The following CHST11 variants were observed in gnomAD, a reference collection of about 807,000 sequenced individuals.
CHST11 encodes C4S-1.
Under a neutral mutation model 30.4 loss-of-function variants are expected in CHST11, and 9 were observed. The observed-to-expected ratio is 0.30, with a 90% CI of 0.18 to 0.52. CHST11 has a LOEUF of 0.52. Ranked by LOEUF, CHST11 falls within the 20% of genes least tolerant of loss-of-function variation. CHST11 has a pLI of 0.97. For missense variants in CHST11, 348 were observed against 460.6 expected (o/e 0.76, Z 2.24); for synonymous variants, 152 against 187.8 (o/e 0.81, Z 1.56).
chr12:104,565,098 A>G (rs2038549167), intron 1 of CHST11, among the ~76,000 whole-genome samples: 1 of 151,900 alleles, frequency 6.6e-6, no homozygotes, highest in Non-Finnish European at 1.5e-5. Flanking sequence ...CCCCAATAAG[A>G]TAATTTGCCA....
intron 2 of CHST11, among the ~76,000 whole-genome samples, chr12:104,711,289 T>C (rs954380634): frequency 6.6e-6 from 1 of 152,214 alleles, no homozygotes; most frequent in African/African-American, 2.4e-5. Flanking sequence ...CTTCCTTTCA[T>C]AGGCAGTCCC....
intron 1 of CHST11, among the ~76,000 whole-genome samples, chr12:104,550,463 CA>C: frequency 6.7e-6 from 1 of 148,368 alleles, no homozygotes; most frequent in East Asian, 2.0e-4. Flanking sequence ...TTGGGTTTTG[CA>C]GACCATACAG....
chr12:104,544,651 G>C (rs2038325363), intron 1 of CHST11, among the ~76,000 whole-genome samples: 2 of 149,108 alleles, frequency 1.3e-5, no homozygotes, highest in Non-Finnish European at 3.0e-5. Context: ...AGGTTGCAGT[G>C]AGCTGAGATC....
intron 2 of CHST11, among the ~76,000 whole-genome samples, chr12:104,749,293 G>T (rs1232785485): frequency 6.6e-6 from 1 of 152,186 alleles, no homozygotes; most frequent in African/African-American, 2.4e-5. Flanking sequence ...TCTCTTTTCT[G>T]ATAACTAGAG....
intron 1 of CHST11, among the ~76,000 whole-genome samples, chr12:104,489,664 A>G (rs2037726195): frequency 6.6e-6 from 1 of 151,278 alleles, no homozygotes; most frequent in South Asian, 2.1e-4. Context: ...TTTTTGGTAG[A>G]GAGTTGGCCA....
chr12:104,755,024 A>G lies in CHST11; in HGVS notation c.205-1925A>G, dbSNP rs180885141. ...CTGGGGACCATGAGAGGAGATGGACATGGAGCTTAATGCAGGGTGCAATGG... is the reference window on the plus strand; with the variant it reads ...CTGGGGACCATGAGAGGAGATGGACGTGGAGCTTAATGCAGGGTGCAATGG... On this transcript the variant is annotated intron_variant, in intron 2 of 2. Transcript: ENST00000303694. 4.4e-4 allele frequency among the ~76,000 whole-genome samples: 67 copies of G among 152,324 alleles called. 1 individual carries two copies. Among genetic ancestry groups the G allele is most frequent in the Non-Finnish European group, 1.3e-4 (9 of 68,028 alleles).
At chr12:104,639,052 T>C (rs2039350561) in intron 2 of CHST11, among the ~76,000 whole-genome samples, 1 of 152,218 alleles carries the variant, frequency 6.6e-6, no homozygotes, top group African/African-American at 2.4e-5. Context: ...GCTTGGTGAC[T>C]TTTAGGAACT....
At chr12:104,688,918 C>T (rs528448538) in intron 2 of CHST11, among the ~76,000 whole-genome samples, 9 of 152,134 alleles carry the variant, frequency 5.9e-5, no homozygotes, top group South Asian at 2.1e-4. Context: ...CCCAGGAGTT[C>T]GAGACCAGCC....
Position 104,600,789 on chromosome 12 carries a change from C to G in CHST11, c.119-1117C>G, listed in dbSNP as rs755420406. Among the ~76,000 whole-genome samples the G allele has an allele frequency of 7.9e-5, 12 of 152,148 alleles. No individual in the cohort carries two copies. The highest frequency in any genetic ancestry group is 1.6e-4 in the Non-Finnish European group (11 of 68,030). ...CTCATGCCACTGTTGCACCTCAAAC[C>G]ATAAGAAAACTGCCTCGTACTTGAG... On this transcript the variant is annotated intron_variant, in intron 1 of 2. Coordinates refer to ENST00000303694, the MANE Select transcript of CHST11 (RefSeq NM_018413.6). This position sits in a 1 kb window ranked among gnomAD's most constrained non-coding sequence, Gnocchi z 4.1.
rs1346551159 is a variant in CHST11, at chr12:104,524,073, T to C, written c.118+66544T>C. On this transcript the variant is annotated intron_variant, in intron 1 of 2. Transcript: ENST00000303694. ...TTTTTTTTTTGCCTCTCAATTGGAG[T>C]CATATAGTGCTGCAGCAAGACTTGT... Among the ~76,000 whole-genome samples the C allele has an allele frequency of 2.1e-5, 3 of 144,498 alleles. No individual in the cohort carries two copies. In the Admixed American group the frequency reaches 2.2e-4, roughly 10 times the overall value. 94.8% of individuals were successfully genotyped at this position (144,498 alleles called of 152,430 possible).
At chr12:104,674,036 G>T (rs1191150985) in intron 2 of CHST11, among the ~76,000 whole-genome samples, 1 of 152,144 alleles carries the variant, frequency 6.6e-6, no homozygotes, top group African/African-American at 2.4e-5. Context: ...AGTTTTAGTC[G>T]ATTTCCTCCC....
chr12:104,550,658 C>T (rs780412980), intron 1 of CHST11, among the ~76,000 whole-genome samples: 11 of 152,216 alleles, frequency 7.2e-5, no homozygotes, highest in Non-Finnish European at 1.0e-4. Flanking sequence ...ATGGAAACCT[C>T]TGTCTTGCCC....
At chr12:104,554,731 A>C (rs1364453590) in intron 1 of CHST11, among the ~76,000 whole-genome samples, 1 of 152,232 alleles carries the variant, frequency 6.6e-6, no homozygotes, top group Non-Finnish European at 1.5e-5. Flanking sequence ...TTCTTTCAAC[A>C]GAGGCTTCCA....
intron 2 of CHST11, among the ~76,000 whole-genome samples, chr12:104,738,589 A>G (rs886722716): frequency 6.6e-6 from 1 of 152,074 alleles, no homozygotes; most frequent in Non-Finnish European, 1.5e-5. Context: ...CTGAGCACTT[A>G]CCTGCAGGGG....
chr12:104,543,968 T>A (rs753224921), intron 1 of CHST11, among the ~76,000 whole-genome samples: 23 of 151,242 alleles, frequency 1.5e-4, no homozygotes, highest in Non-Finnish European at 2.4e-4. Context: ...CAAAAAATTT[T>A]AAAAAATTAG....
At chr12:104,562,436 C>A (rs1352691041) in intron 1 of CHST11, among the ~76,000 whole-genome samples, 1 of 152,136 alleles carries the variant, frequency 6.6e-6, no homozygotes, top group African/African-American at 2.4e-5. Context: ...TAGGAAAAAG[C>A]GCAGAGCCCG....
intron 2 of CHST11, among the ~76,000 whole-genome samples, chr12:104,691,594 TCTC>T (rs1262260201): frequency 4.0e-5 from 6 of 151,752 alleles, no homozygotes; most frequent in Admixed American, 1.3e-4. Context: ...TTCAAGCGAT[TCTC>T]CTGCCTCAGC....
intron 2 of CHST11, among the ~76,000 whole-genome samples, chr12:104,730,187 G>A (rs980743299): frequency 7.9e-5 from 12 of 152,264 alleles, no homozygotes; most frequent in African/African-American, 2.4e-4. Flanking sequence ...TCGTTCTGGA[G>A]GAACTACCCG....
chr12:104,707,638 G>A (rs901154351), intron 2 of CHST11, among the ~76,000 whole-genome samples: 43 of 152,270 alleles, frequency 2.8e-4, no homozygotes, highest in Non-Finnish European at 5.3e-4. Flanking sequence ...CTGAAGAAAA[G>A]ATTCCTTTGT....
Sources: allele counts gnomAD v4.1 joint callset (sites outside exome capture counted in the v4.1 genomes callset), GRCh38; gene constraint gnomAD v4.1.1; non-coding constraint Gnocchi (gnomAD v3.1); transcripts MANE v1.5; gene names NCBI Gene and HGNC (gene_info 2026-07-23, HGNC 2026-07-21).